Variants in SOX13 observed in about 807,000 individuals in gnomAD.
SOX13 encodes transcription factor SOX-13.
Under a neutral mutation model 71.8 loss-of-function variants are expected in SOX13, and 28 were observed. The observed-to-expected ratio is 0.39, with a 90% CI of 0.29 to 0.53. SOX13 has a LOEUF of 0.53. Ranked by LOEUF, SOX13 falls within the 20% of genes least tolerant of loss-of-function variation. The pLI is 0.70. For missense variants in SOX13, 627 were observed against 810.3 expected (o/e 0.77, Z 2.75); for synonymous variants, 309 against 317.8 (o/e 0.97, Z 0.29).
Position 204,122,850 on chromosome 1 carries a change from A to G in SOX13, c.1025-4A>G. ...TCTTCCCTCTCTTCTGCCCTCTCCC[A>G]CAGGCTTCCTTGGTGAAGGGGACGC... On this transcript the variant is annotated splice_polypyrimidine_tract_variant and splice_region_variant and intron_variant, in intron 9 of 13. Transcript: ENST00000367204. 6.5e-7 allele frequency: 1 copy of G among 1,544,546 alleles called. No homozygotes were observed. The highest frequency in any genetic ancestry group is 8.8e-7 in the Non-Finnish European group (1 of 1,139,898).
intron 1 of SOX13, among the ~76,000 whole-genome samples, chr1:204,093,657 A>C (rs1656190553): frequency 6.6e-6 from 1 of 152,228 alleles, no homozygotes; most frequent in Non-Finnish European, 1.5e-5. Context: ...GTGTCTGTGG[A>C]AAGTAGCCTC....
intron 1 of SOX13, among the ~76,000 whole-genome samples, chr1:204,097,579 T>C (rs1375675077): frequency 6.6e-6 from 1 of 151,478 alleles, no homozygotes; most frequent in Non-Finnish European, 1.5e-5. Flanking sequence ...TAATCCCAGC[T>C]ACTCGGGAGG....
At chr1:204,089,746 C>T (rs1458532420) in intron 1 of SOX13, among the ~76,000 whole-genome samples, 2 of 152,174 alleles carry the variant, frequency 1.3e-5, no homozygotes, top group African/African-American at 4.8e-5. Context: ...GCACCTGTGG[C>T]ACCCTCTCCC....
intron 1 of SOX13, among the ~76,000 whole-genome samples, chr1:204,080,356 C>A (rs150045465): frequency 2.6e-4 from 40 of 152,260 alleles, no homozygotes; most frequent in African/African-American, 9.6e-4. Flanking sequence ...GGGACATGTC[C>A]AAGCTAGGGT....
intron 12 of SOX13, 145 bp from the exon 13 acceptor site, chr1:204,124,496 A>G (rs1656877007): frequency 7.4e-6 from 5 of 680,236 alleles, no homozygotes; most frequent in Non-Finnish European, 1.0e-5. Context: ...GAGCACCCGT[A>G]TCGGGCCAGG....
In SOX13 at chr1:204,122,902, G is replaced by A. The variant is rs200217733; in HGVS notation, c.1073G>A (p.Arg358Gln). The A allele has an allele frequency of 3.9e-3, 6,224 of 1,583,944 alleles. 13 individuals carry two copies. The highest frequency in any genetic ancestry group is 5.0e-3 in the Non-Finnish European group (5,767 of 1,164,904). ...DAVTKAIQDA[R>Q]QLLHSHSGAL... The stretch of plus-strand genomic sequence containing the variant: ...GTCACCAAAGCCATCCAGGATGCTC[G>A]GCAGCTGCTGCACAGCCACAGTGGG... The change falls in exon 10 of 14, where the codon CGG (arginine) becomes CAG (glutamine). Residue 358 changes from arginine to glutamine, a missense_variant. This residue lies in a region of SOX13 where 447 missense variants were observed against 532.2 expected (regional missense o/e 0.84). Coordinates refer to ENST00000367204, the MANE Select transcript of SOX13 (RefSeq NM_005686.3).
At chr1:204,095,468 A>G (rs1467009602) in intron 1 of SOX13, among the ~76,000 whole-genome samples, 1 of 152,042 alleles carries the variant, frequency 6.6e-6, no homozygotes, top group Non-Finnish European at 1.5e-5. Flanking sequence ...AGACACTTCA[A>G]TTAGGGATGT....
intron 1 of SOX13, among the ~76,000 whole-genome samples, chr1:204,092,739 C>T (rs983815182): frequency 1.3e-5 from 2 of 152,010 alleles, no homozygotes; most frequent in Non-Finnish European, 2.9e-5. Flanking sequence ...GCTGCTCCTC[C>T]TAGGGTCATG....
chr1:204,084,086 C>T (rs565475635), intron 1 of SOX13, among the ~76,000 whole-genome samples: 2 of 152,124 alleles, frequency 1.3e-5, no homozygotes, highest in African/African-American at 2.4e-5. Flanking sequence ...TATGACTTTG[C>T]GGGAAGAGTG....
At chr1:204,079,397 G>T (rs1655853842) in intron 1 of SOX13, among the ~76,000 whole-genome samples, 1 of 141,682 alleles carries the variant, frequency 7.1e-6, no homozygotes. Flanking sequence ...CCAGGCCTGA[G>T]TGCAGTGGTG....
intron 12 of SOX13, among the ~76,000 whole-genome samples, chr1:204,124,177 T>C (rs1656871322): frequency 6.6e-6 from 1 of 152,156 alleles, no homozygotes; most frequent in Non-Finnish European, 1.5e-5. Flanking sequence ...ATGTCCTGAT[T>C]GGTGGCCACG....
intron 1 of SOX13, among the ~76,000 whole-genome samples, chr1:204,101,112 G>C (rs1450598302): frequency 2.0e-5 from 3 of 152,278 alleles, no homozygotes; most frequent in African/African-American, 7.2e-5. Flanking sequence ...ATTCAAGGCT[G>C]TGCTCCTGTC....
intron 12 of SOX13, among the ~76,000 whole-genome samples, chr1:204,124,142 C>A (rs1656870564): frequency 6.6e-6 from 1 of 152,172 alleles, no homozygotes; most frequent in African/African-American, 2.4e-5. Flanking sequence ...CCTGGGCTGT[C>A]ACTAGAAAGA....
chr1:204,126,806 TG>T lies in SOX13; in HGVS notation c.*673del, dbSNP rs896935515. 2.6e-5 allele frequency: 4 copies of T among 153,328 alleles called. No individual in the cohort carries two copies. The highest frequency in any genetic ancestry group is 9.6e-5 in the African/African-American group (4 of 41,452). 9.5% of individuals were successfully genotyped at this position (153,328 alleles called of 1,614,324 possible). The stretch of plus-strand genomic sequence containing the variant: ...CTGCTTCTCTGGGGGCCTCTTTCTG[TG>T]CTTCTCTTTGTCCCCAAATTGCTAC... On this transcript the variant is annotated 3_prime_UTR_variant, in exon 14 of 14. Coordinates refer to ENST00000367204, the MANE Select transcript of SOX13 (RefSeq NM_005686.3).
At chr1:204,114,698 G>T in intron 4 of SOX13, 93 bp downstream of exon 4, 1 of 938,232 alleles carries the variant, frequency 1.1e-6, no homozygotes, top group Non-Finnish European at 1.8e-6. Context: ...GCAGTTCTTG[G>T]TACATACCTA....
intron 1 of SOX13, among the ~76,000 whole-genome samples, chr1:204,089,395 T>C (rs192157740): frequency 1.3e-5 from 2 of 152,286 alleles, no homozygotes; most frequent in Admixed American, 1.3e-4. Flanking sequence ...TCCCTCCCAC[T>C]CTCATGCCCG....
intron 5 of SOX13, 77 bp from the exon 6 acceptor site, chr1:204,117,045 G>A: frequency 2.1e-6 from 3 of 1,420,426 alleles, no homozygotes; most frequent in South Asian, 1.2e-5. Context: ...AGAAAGCAGG[G>A]TGTGGTTAGG....
chr1:204,124,140 G>A (rs1656870489), intron 12 of SOX13, among the ~76,000 whole-genome samples: 1 of 152,200 alleles, frequency 6.6e-6, no homozygotes, highest in South Asian at 2.1e-4. Flanking sequence ...TTCCTGGGCT[G>A]TCACTAGAAA....
intron 1 of SOX13, among the ~76,000 whole-genome samples, chr1:204,090,083 AC>A (rs1656110821): frequency 6.6e-6 from 1 of 152,036 alleles, no homozygotes; most frequent in Admixed American, 6.6e-5. Context: ...GGGAGAGTGA[AC>A]CCTTCGGTAG....
Sources: allele counts gnomAD v4.1 joint callset (sites outside exome capture counted in the v4.1 genomes callset), GRCh38; gene constraint gnomAD v4.1.1; regional missense constraint gnomAD v4.1.1; transcripts MANE v1.5; gene names NCBI Gene and HGNC (gene_info 2026-07-23, HGNC 2026-07-21).